Variants in OSBPL9 observed in about 807,000 individuals in gnomAD.
OSBPL9 encodes oxysterol-binding protein-related protein 9.
Under a neutral mutation model 106.6 loss-of-function variants are expected in OSBPL9, and 40 were observed. The ratio of observed to expected loss-of-function variants is 0.38; its 90% confidence interval spans 0.29 to 0.49. The LOEUF (loss-of-function observed/expected upper bound fraction) is 0.49, where lower values mean the gene tolerates loss of function less well. OSBPL9 is among the 20% of genes least tolerant of loss of function. The pLI, the probability that OSBPL9 is intolerant of heterozygous loss-of-function variation, is 0.97. For missense variants in OSBPL9, 609 were observed against 887.2 expected (o/e 0.69, Z 3.98); for synonymous variants, 269 against 295.4 (o/e 0.91, Z 0.92).
chr1:51,711,506 G>A (rs1268752626), intron 3 of OSBPL9, among the ~76,000 whole-genome samples: 2 of 124,512 alleles, frequency 1.6e-5, no homozygotes, highest in Admixed American at 7.7e-5. Flanking sequence ...CTGGCCGGGC[G>A]GGGGGCTGAC....
At chr1:51,667,810 G>A (rs893698890) in intron 2 of OSBPL9, among the ~76,000 whole-genome samples, 1 of 152,180 alleles carries the variant, frequency 6.6e-6, no homozygotes, top group Non-Finnish European at 1.5e-5. Context: ...CATGCCAATG[G>A]TGATCTGGTA....
At chr1:51,584,777 G>A (rs1645238284) in intron 1 of OSBPL9, among the ~76,000 whole-genome samples, 1 of 152,078 alleles carries the variant, frequency 6.6e-6, no homozygotes, top group Non-Finnish European at 1.5e-5. Flanking sequence ...ACATCCTCTG[G>A]TTGCTGTGTT....
chr1:51,743,373 A>G (rs1387750154), intron 4 of OSBPL9, among the ~76,000 whole-genome samples: 2 of 152,202 alleles, frequency 1.3e-5, no homozygotes, highest in Non-Finnish European at 2.9e-5. Context: ...TGATTCTACA[A>G]ACATCAAAAA....
chr1:51,617,120 ATC>A lies in OSBPL9; in HGVS notation c.11_12del (p.Ile4AsnfsTer10). 6.3e-7 allele frequency: 1 copy of A among 1,591,254 alleles called. No individual in the cohort carries two copies. Among genetic ancestry groups the A allele is most frequent in the South Asian group, 1.1e-5 (1 of 90,096 alleles). On this transcript the variant is annotated frameshift_variant, in exon 1 of 24. Coordinates refer to ENST00000428468, the MANE Select transcript of OSBPL9 (RefSeq NM_024586.6). LOFTEE classifies it high-confidence loss of function. MAS[I>X]MEGPLSKWTN... is the part of the protein sequence containing the mutation. ...ATTGGCGGCTCCCAAGATGGCGTCC[ATC>A]ATGGAAGGGCCGCTGAGCAAATGGA...
chr1:51,770,079 TC>T (rs1200689830), intron 12 of OSBPL9, among the ~76,000 whole-genome samples: 1 of 151,406 alleles, frequency 6.6e-6, no homozygotes, highest in Non-Finnish European at 1.5e-5. Flanking sequence ...CAAGTGATCC[TC>T]CCACCTCAGC....
At chr1:51,611,665 G>T (rs545486004) in intron 2 of OSBPL9, among the ~76,000 whole-genome samples, 9 of 152,264 alleles carry the variant, frequency 5.9e-5, no homozygotes, top group East Asian at 5.8e-4. Context: ...AGCCATTCTT[G>T]TTCTTCCTTT....
At chr1:51,547,795 G>T in the OSBPL9 span, among the ~76,000 whole-genome samples, 1 of 151,984 alleles carries the variant, frequency 6.6e-6, no homozygotes, top group Admixed American at 6.6e-5. Context: ...AAGCTGCAGG[G>T]AGCCAAGATT....
chr1:51,771,213 C>T (rs1022836540), intron 12 of OSBPL9, among the ~76,000 whole-genome samples: 17 of 152,254 alleles, frequency 1.1e-4, no homozygotes, highest in South Asian at 2.1e-4. Context: ...TGTTTTCGCA[C>T]GTGTAGAGTT....
intron 3 of OSBPL9, among the ~76,000 whole-genome samples, chr1:51,703,066 C>A (rs1657658890): frequency 6.6e-6 from 1 of 152,290 alleles, no homozygotes; most frequent in East Asian, 1.9e-4. Context: ...AGTTTGAAGT[C>A]AGGTAGCTTG....
At chr1:51,775,691 A>C (rs1048317224) in intron 14 of OSBPL9, among the ~76,000 whole-genome samples, 3 of 152,014 alleles carry the variant, frequency 2.0e-5, no homozygotes, top group African/African-American at 7.3e-5. Flanking sequence ...GCTCACGGCA[A>C]CCTCTGCCTC....
chr1:51,728,328 T>C (rs1278074323), intron 4 of OSBPL9, among the ~76,000 whole-genome samples: 2 of 152,180 alleles, frequency 1.3e-5, no homozygotes, highest in Non-Finnish European at 1.5e-5. Flanking sequence ...CAGAGTAGAT[T>C]CAAGAAGACT....
intron 12 of OSBPL9, among the ~76,000 whole-genome samples, chr1:51,767,000 A>G (rs185890722): frequency 2.6e-5 from 4 of 152,098 alleles, no homozygotes; most frequent in Admixed American, 2.6e-4. Flanking sequence ...AATCACTTGA[A>G]CCTGGGAGGC....
At chr1:51,555,445 G>C in the OSBPL9 span, among the ~76,000 whole-genome samples, 7 of 151,914 alleles carry the variant, frequency 4.6e-5, no homozygotes, top group Non-Finnish European at 8.8e-5. Context: ...AGCTGAGATA[G>C]CGCCATTGCA....
At chr1:51,740,405 T>A (rs575458143) in intron 4 of OSBPL9, among the ~76,000 whole-genome samples, 6 of 152,116 alleles carry the variant, frequency 3.9e-5, no homozygotes, top group African/African-American at 1.4e-4. Flanking sequence ...TAAAAAAAAA[T>A]GTCTGCTTTT....
intron 15 of OSBPL9, 80 bp from the exon 16 acceptor site, chr1:51,781,084 T>C (rs1326215913): frequency 2.2e-6 from 3 of 1,392,846 alleles, no homozygotes; most frequent in Non-Finnish European, 3.0e-6. Flanking sequence ...CTGACTTAGG[T>C]GGACCATGCT....
intron 16 of OSBPL9, 198 bp downstream of exon 16, chr1:51,781,533 G>GA: frequency 1.9e-6 from 1 of 537,430 alleles, no homozygotes; most frequent in Non-Finnish European, 3.3e-6. Context: ...TGGGGATGTA[G>GA]AAATCAGATC....
intron 4 of OSBPL9, among the ~76,000 whole-genome samples, chr1:51,734,834 C>A (rs985155492): frequency 6.6e-6 from 1 of 152,140 alleles, no homozygotes; most frequent in Non-Finnish European, 1.5e-5. Flanking sequence ...GCCTTTCCCC[C>A]CCAAACCCTA....
chr1:51,622,183 T>TGG (rs1408563428), intron 1 of OSBPL9, among the ~76,000 whole-genome samples: 1 of 152,060 alleles, frequency 6.6e-6, no homozygotes, highest in South Asian at 2.1e-4. Context: ...AAGAACAGGT[T>TGG]GGGGGAGAGA....
At chr1:51,601,660 T>C (rs1645325637) in intron 2 of OSBPL9, among the ~76,000 whole-genome samples, 1 of 152,222 alleles carries the variant, frequency 6.6e-6, no homozygotes, top group South Asian at 2.1e-4. Flanking sequence ...ATTAGTTTCT[T>C]CTCCCTGAGT....
Sources: allele counts gnomAD v4.1 joint callset (sites outside exome capture counted in the v4.1 genomes callset), GRCh38; gene constraint gnomAD v4.1.1; transcripts MANE v1.5; gene names NCBI Gene and HGNC (gene_info 2026-07-23, HGNC 2026-07-21).